FMN2: variants seen among roughly 807,000 people sequenced by gnomAD.
FMN2 encodes formin 2.
A neutral mutation model predicts 142.3 loss-of-function variants in FMN2; 51 were observed. The observed-to-expected ratio is 0.36, with a 90% CI of 0.29 to 0.45. FMN2 has a LOEUF of 0.45. Among genes scored for constraint, FMN2 ranks in the 20% least tolerant of loss-of-function variants. FMN2 has a pLI of 1.00. For synonymous variants in FMN2, 882 were observed against 869.8 expected, an observed-to-expected ratio of 1.01 and a Z score of -0.25; for missense variants, 1,936 against 2,122.8, an observed-to-expected ratio of 0.91 and a Z score of 1.73.
Position 240,182,853 on chromosome 1 carries a change from C to CT in FMN2, c.1930+4786dup, listed in dbSNP as rs201665188. On this transcript the variant is annotated intron_variant, in intron 3 of 17. Coordinates refer to ENST00000319653, the MANE Select transcript of FMN2 (RefSeq NM_020066.5). ...CAACTAATATCCCAAAGAAGTGTCT[C>CT]TAATGGTTCCTAAGAGAAGAAATTC... 8.6e-5 allele frequency among the ~76,000 whole-genome samples: 13 copies of CT among 152,030 alleles called. No homozygotes were observed. In the East Asian group the frequency reaches 2.5e-3, roughly 29 times the overall value.
chr1:240,174,825 T>G (rs1053111206), intron 2 of FMN2, among the ~76,000 whole-genome samples: 4 of 152,240 alleles, frequency 2.6e-5, no homozygotes, highest in African/African-American at 7.2e-5. Context: ...AAATTTTAAC[T>G]GTTGCAAAAT....
chr1:240,093,851 G>A (rs1661104016), intron 1 of FMN2, 127 bp downstream of exon 1: 1 of 597,506 alleles, frequency 1.7e-6, no homozygotes, highest in South Asian at 7.3e-5. Flanking sequence ...TTCTCCGTAG[G>A]GAATCCTTTT....
chr1:240,412,336 A>G (rs1013273941), intron 15 of FMN2, among the ~76,000 whole-genome samples: 36 of 152,202 alleles, frequency 2.4e-4, no homozygotes, highest in African/African-American at 8.0e-4. Flanking sequence ...GCTGTATTGC[A>G]ACGGACTGAA....
At chr1:240,367,331 A>C (rs1672705957) in intron 14 of FMN2, among the ~76,000 whole-genome samples, 1 of 152,188 alleles carries the variant, frequency 6.6e-6, no homozygotes, top group South Asian at 2.1e-4. Context: ...AAATGTGGTC[A>C]GATAAATTTT....
At chr1:240,435,018 A>G (rs1217230474) in intron 15 of FMN2, among the ~76,000 whole-genome samples, 1 of 152,186 alleles carries the variant, frequency 6.6e-6, no homozygotes, top group Non-Finnish European at 1.5e-5. Context: ...GCTACCAGCG[A>G]AAGTTTCTTT....
intron 2 of FMN2, among the ~76,000 whole-genome samples, chr1:240,137,666 A>G (rs1663000823): frequency 6.6e-6 from 1 of 152,204 alleles, no homozygotes; most frequent in Non-Finnish European, 1.5e-5. Context: ...GAAAGGGGCT[A>G]CTGGGTGAAC....
chr1:240,395,901 C>T (rs1407082419), intron 15 of FMN2, among the ~76,000 whole-genome samples: 2 of 152,174 alleles, frequency 1.3e-5, no homozygotes, highest in Non-Finnish European at 2.9e-5. Flanking sequence ...TTGAAAGAAG[C>T]TCTACTGTGA....
intron 15 of FMN2, among the ~76,000 whole-genome samples, chr1:240,409,959 A>G (rs1674340173): frequency 6.6e-6 from 1 of 152,322 alleles, no homozygotes; most frequent in South Asian, 2.1e-4. Context: ...GTAGCCATAA[A>G]TAATTACACA....
In FMN2 at chr1:240,207,612, CT is replaced by C. The variant is rs2103388761; in HGVS notation, c.2801del (p.Leu934ArgfsTer341). 1 of 1,579,950 alleles carries C rather than the reference CT, an allele frequency of 6.3e-7. No individual in the cohort carries two copies. The highest frequency in any genetic ancestry group is 1.2e-5 in the South Asian group (1 of 86,626). On this transcript the variant is annotated frameshift_variant, in exon 5 of 18. Transcript: ENST00000319653. LOFTEE classifies it high-confidence loss of function. ...PPLPGAGILP[L>X]PPLPGAGIPP... ...TCTACCCGGAGCAGGCATACTCCCT[CT>C]GCCCCCTCTACCCGGAGCGGGAATA... is the stretch of plus-strand genomic sequence containing the variant.
At chr1:240,454,506 C>T (rs1572332950) in intron 16 of FMN2, among the ~76,000 whole-genome samples, 2 of 152,306 alleles carry the variant, frequency 1.3e-5, no homozygotes, top group African/African-American at 4.8e-5. Flanking sequence ...CGCACCACTG[C>T]ACTTCAGCCT....
At chr1:240,286,263 C>T (rs913535500) in intron 7 of FMN2, among the ~76,000 whole-genome samples, 5 of 152,066 alleles carry the variant, frequency 3.3e-5, no homozygotes, top group Non-Finnish European at 5.9e-5. Context: ...CCACATGGTC[C>T]CTGTGTATTC....
intron 16 of FMN2, among the ~76,000 whole-genome samples, chr1:240,455,985 A>C (rs574609020): frequency 0.011 from 1,505 of 139,494 alleles, 29 homozygotes; most frequent in African/African-American, 0.047. Flanking sequence ...AAATAATAAT[A>C]ATAATAATAA....
At chr1:240,105,074 C>G (rs1315493108) in intron 1 of FMN2, among the ~76,000 whole-genome samples, 1 of 147,502 alleles carries the variant, frequency 6.8e-6, no homozygotes, top group African/African-American at 2.5e-5. Flanking sequence ...AGATTAGTTT[C>G]CAGAATGCTT....
At chr1:240,142,475 A>G (rs867928808) in intron 2 of FMN2, among the ~76,000 whole-genome samples, 4 of 146,162 alleles carry the variant, frequency 2.7e-5, no homozygotes, top group African/African-American at 5.1e-5. Context: ...AAACCTTTTC[A>G]TATTTATTTA....
At chr1:240,144,980 G>C (rs73128587) in intron 2 of FMN2, 277,566 of 1,273,778 alleles carry the variant, frequency 0.22, 31,120 homozygotes, top group Middle Eastern at 0.3. Flanking sequence ...CCCACTCATG[G>C]TCATGGCCAA....
At chr1:240,264,918 G>A (rs1259414379) in intron 7 of FMN2, among the ~76,000 whole-genome samples, 2 of 152,080 alleles carry the variant, frequency 1.3e-5, no homozygotes, top group African/African-American at 4.8e-5. Context: ...CCAGAAGAGG[G>A]GAGTTAATTC....
At chr1:240,367,411 T>C (rs1413041709) in intron 14 of FMN2, among the ~76,000 whole-genome samples, 2 of 152,172 alleles carry the variant, frequency 1.3e-5, no homozygotes, top group Non-Finnish European at 2.9e-5. Context: ...TTTTAAAAGT[T>C]CTTTATTTCT....
At chr1:240,129,642 A>G (rs1662655144) in intron 2 of FMN2, among the ~76,000 whole-genome samples, 1 of 151,494 alleles carries the variant, frequency 6.6e-6, no homozygotes. Context: ...AGCTGGGACT[A>G]TAGGCACATA....
intron 8 of FMN2, among the ~76,000 whole-genome samples, chr1:240,306,393 T>C (rs1670405648): frequency 6.6e-6 from 1 of 152,186 alleles, no homozygotes; most frequent in African/African-American, 2.4e-5. Flanking sequence ...GAACATAGTA[T>C]CCAACAGGAC....
Sources: gnomAD v4.1 joint callset for allele counts (sites outside exome capture counted in the v4.1 genomes callset) on GRCh38, gnomAD v4.1.1 for gene constraint, MANE v1.5 for transcripts, NCBI Gene and HGNC (gene_info 2026-07-23, HGNC 2026-07-21) for gene names.